The following DNAH2 variants were observed in gnomAD, a reference collection of about 807,000 sequenced individuals.
DNAH2 encodes axonemal beta dynein heavy chain 2.
A neutral mutation model predicts 523.5 loss-of-function variants in DNAH2; 323 were observed. That is an observed-to-expected ratio of 0.62 (90% confidence interval 0.56 to 0.68). DNAH2 has a LOEUF of 0.68. DNAH2 is among the 30% of genes least tolerant of loss of function. The pLI is 0.00. For missense variants in DNAH2, 4,907 were observed against 5,701.5 expected (o/e 0.86, Z 4.49); for synonymous variants, 2,093 against 2,177.4 (o/e 0.96, Z 1.08).
At chr17:7,791,020 A>T (rs1406851658) in intron 44 of DNAH2, among the ~76,000 whole-genome samples, 1 of 151,442 alleles carries the variant, frequency 6.6e-6, no homozygotes, top group Non-Finnish European at 1.5e-5. Context: ...GCCTTTTTAA[A>T]GGTACACCTT....
chr17:7,727,072 A>T (rs990747262), intron 3 of DNAH2, 50 bp from the exon 4 acceptor site: 2 of 1,485,392 alleles, frequency 1.3e-6, no homozygotes, highest in Non-Finnish European at 1.8e-6. Context: ...GGGAGGAATG[A>T]CTCATCCTGG....
At chr17:7,767,844 G>A (rs370770015) in intron 22 of DNAH2, 56 bp from the exon 23 acceptor site, 23 of 1,609,262 alleles carry the variant, frequency 1.4e-5, no homozygotes, top group East Asian at 6.7e-5. Flanking sequence ...CTGGGCGTCC[G>A]TCAGGGAGGA....
Position 7,817,669 on chromosome 17 carries a change from T to G in DNAH2, c.10129T>G (p.Phe3377Val). The G allele has an allele frequency of 3.1e-6, 5 of 1,614,150 alleles. No homozygotes were observed. The highest frequency in any genetic ancestry group is 4.2e-6 in the Non-Finnish European group (5 of 1,180,028). Reference protein sequence around the residue: ...WNIQGLPSDAFSTENGIIVTR... With the variant: ...WNIQGLPSDAVSTENGIIVTR... ...CATCCAAGGGTTGCCCTCAGACGCCTTCTCCACTGAGAATGGCATCATCGT... is the reference window on the plus strand; with the variant it reads ...CATCCAAGGGTTGCCCTCAGACGCCGTCTCCACTGAGAATGGCATCATCGT... Residue 3377 changes from phenylalanine (F) to valine (V), a missense_variant, in exon 66 of 86, where the codon TTC becomes GTC. Coordinates refer to ENST00000572933, the MANE Select transcript of DNAH2 (RefSeq NM_020877.5).
chr17:7,788,930 C>G (rs926310874), intron 44 of DNAH2, among the ~76,000 whole-genome samples: 4 of 152,090 alleles, frequency 2.6e-5, no homozygotes, highest in Non-Finnish European at 5.9e-5. Flanking sequence ...TTTGGGAGGC[C>G]GAGGTGGGTG....
chr17:7,719,127 C>CTT (rs34833123), intron 1 of DNAH2, among the ~76,000 whole-genome samples: 5 of 136,464 alleles, frequency 3.7e-5, no homozygotes, highest in African/African-American at 8.2e-5. Context: ...GTCTGGCCAT[C>CTT]TTTTTTTTTT....
intron 63 of DNAH2, among the ~76,000 whole-genome samples, chr17:7,813,840 G>A (rs1308520793): frequency 6.6e-6 from 1 of 151,672 alleles, no homozygotes; most frequent in African/African-American, 2.4e-5. Flanking sequence ...CCCAGGAGGT[G>A]GAGGTTGCAG....
intron 24 of DNAH2, among the ~76,000 whole-genome samples, chr17:7,769,156 T>G (rs77765900): frequency 2.4e-4 from 36 of 151,292 alleles, no homozygotes; most frequent in African/African-American, 7.3e-4. Flanking sequence ...GTCTTATGTC[T>G]TTTTTTTTCC....
chr17:7,775,193 C>T (rs1567677861), intron 29 of DNAH2, 48 bp from the exon 30 acceptor site: 1 of 1,580,936 alleles, frequency 6.3e-7, no homozygotes, highest in Non-Finnish European at 8.6e-7. Flanking sequence ...TCTAGGCGGA[C>T]ACCAAGGGTG....
Position 7,824,238 on chromosome 17 carries a change from G to T in DNAH2, c.11596G>T (p.Ala3866Ser). The part of the protein sequence containing the change: ...EHMGMAQRFH[A>S]LSLGQGQAPI... Reference sequence around the variant, plus strand: ...CATGGGCATGGCCCAGCGCTTCCACGCCCTGTCCCTGGGCCAGGGCCAGGC... The same window carrying T: ...CATGGGCATGGCCCAGCGCTTCCACTCCCTGTCCCTGGGCCAGGGCCAGGC... The change falls in exon 76 of 86, where the codon GCC (alanine) becomes TCC (serine). Residue 3866 changes from alanine (A) to serine (S), a missense_variant. Ala to Ser is a moderately conservative substitution (Grantham distance 99). Coordinates refer to ENST00000572933, the MANE Select transcript of DNAH2 (RefSeq NM_020877.5). The T allele has an allele frequency of 6.3e-7, 1 of 1,599,624 alleles. No individual in the cohort carries two copies.
In DNAH2 at chr17:7,793,144, G is replaced by A. The variant is rs752427525; in HGVS notation, c.7508G>A (p.Arg2503His). The change falls in exon 48 of 86, where the codon CGC (arginine) becomes CAC (histidine). Residue 2503 changes from arginine to histidine, a missense_variant. Physicochemically the swap from Arg to His is conservative, Grantham distance 29. This residue lies in a region of DNAH2 where 250 missense variants were observed against 371.3 expected (regional missense o/e 0.67). Transcript: ENST00000572933. ...FGSQPPLELI[R>H]LWIDYGFWYD... Reference sequence around the variant, plus strand: ...TCCCAGCCACCCCTGGAGCTGATCCGCCTCTGGATTGACTATGGCTTCTGG... The same window carrying A: ...TCCCAGCCACCCCTGGAGCTGATCCACCTCTGGATTGACTATGGCTTCTGG... The A allele has an allele frequency of 1.1e-5, 17 of 1,614,034 alleles. No homozygotes were observed. Among genetic ancestry groups the A allele is most frequent in the South Asian group, 7.7e-5 (7 of 91,094 alleles).
intron 28 of DNAH2, among the ~76,000 whole-genome samples, chr17:7,772,442 T>C (rs1482500875): frequency 2.6e-5 from 4 of 152,172 alleles, no homozygotes; most frequent in African/African-American, 4.8e-5. Flanking sequence ...AAAAAAACAA[T>C]GATCCCTTTG....
In DNAH2 at chr17:7,830,755, A is replaced by G. The variant is rs1416959841; in HGVS notation, c.12143A>G (p.His4048Arg). 3 of 1,614,148 alleles carry G rather than the reference A, an allele frequency of 1.9e-6. No individual in the cohort carries two copies. Among genetic ancestry groups the G allele is most frequent in the East Asian group, 2.2e-5 (1 of 44,888 alleles). The change falls in exon 79 of 86, where the codon CAT becomes CGT. Residue 4048 changes from histidine to arginine, a missense_variant. By Grantham distance (29) the His-to-Arg change is conservative (BLOSUM62 0). This residue lies in a region of DNAH2 where 1,851 missense variants were observed against 2,139.4 expected (regional missense o/e 0.87). Coordinates refer to ENST00000572933, the MANE Select transcript of DNAH2 (RefSeq NM_020877.5). ...ATTGCCGGCATCAACTATGGTGGAC[A>G]TGTCACAGATGACTGGGACCGGCGC... Reference protein sequence around the residue: ...YLIAGINYGGHVTDDWDRRLL... With the variant: ...YLIAGINYGGRVTDDWDRRLL...
Position 7,780,752 on chromosome 17 carries a change from C to T in DNAH2, c.5973C>T (p.Arg1991=), listed in dbSNP as rs766102856. 11 of 1,614,148 alleles carry T rather than the reference C, an allele frequency of 6.8e-6. No individual in the cohort carries two copies. The highest frequency in any genetic ancestry group is 1.3e-5 in the African/African-American group (1 of 74,952). ...TTCTGCGCTATGCTGGCAAGAAGCGCCGCCTACAGCCGGATCTGACTGATG... is the reference window on the plus strand; with the variant it reads ...TTCTGCGCTATGCTGGCAAGAAGCGTCGCCTACAGCCGGATCTGACTGATG... ...TSLLRYAGKK[R]RLQPDLTDEE... is the part of the protein sequence containing the mutation. The change falls in exon 38 of 86, where the codon CGC becomes CGT. Residue 1991 remains arginine, a synonymous_variant. Transcript: ENST00000572933. The surrounding 1 kb of genome is among the most constrained non-coding windows in gnomAD (Gnocchi z 4.4).
rs2077958218 is a variant in DNAH2 at position 7,824,318 on chromosome 17, C to G, written c.11662+14C>G. ...GTGTGACTCAGGGTTGGTGTCCATC[C>G]TTTCTTCCACCCCCATCTTCAGCCC... On this transcript the variant is annotated intron_variant, in intron 76 of 85. Transcript: ENST00000572933. 3.3e-6 allele frequency: 5 copies of G among 1,506,442 alleles called. No homozygotes were observed. Among genetic ancestry groups the G allele is most frequent in the Non-Finnish European group, 4.4e-6 (5 of 1,130,960 alleles). The allele number at this position is 1,506,442 out of a possible 1,614,324, so 93.3% of individuals were successfully genotyped here. A position where few individuals can be genotyped will look rare whatever the true frequency, so the allele number is the denominator to read the frequency against.
Position 7,760,633 on chromosome 17 carries a change from T to A in DNAH2, c.2786-107T>A. On this transcript the variant is annotated intron_variant, in intron 17 of 85. Coordinates refer to ENST00000572933, the MANE Select transcript of DNAH2 (RefSeq NM_020877.5). The surrounding 1 kb of genome is among the most constrained non-coding windows in gnomAD (Gnocchi z 4.0). ...TGTGCATGTTTGAGCTGTATTTCTC[T>A]GGGAAGCTGGTTTTAGAGTGGAAGG... The A allele has an allele frequency of 9.3e-7, 1 of 1,070,478 alleles. No homozygotes were observed. Among genetic ancestry groups the A allele is most frequent in the Non-Finnish European group, 1.3e-6 (1 of 741,652 alleles). 66.3% of individuals were successfully genotyped at this position (1,070,478 alleles called of 1,614,324 possible).
chr17:7,737,839 G>C (rs1341045441), intron 8 of DNAH2: 2 of 643,016 alleles, frequency 3.1e-6, no homozygotes, highest in African/African-American at 3.6e-5. Context: ...CCAGGGGTGG[G>C]ATGAGTTTCA....
Position 7,813,495 on chromosome 17 carries a change from A to G in DNAH2, c.9730-3076A>G, listed in dbSNP as rs759134779. Among the ~76,000 whole-genome samples, 8 of 152,350 alleles carry G rather than the reference A, an allele frequency of 5.3e-5. No homozygotes were observed. In the South Asian group the frequency reaches 6.2e-4, roughly 12 times the overall value. On this transcript the variant is annotated intron_variant, in intron 63 of 85. Transcript: ENST00000572933. ...TACATAAATCATAGTTCAGTCTCAC[A>G]TAAGAGTATTTTGCAGCTACTAAAA... is the stretch of plus-strand genomic sequence containing the variant.
chr17:7,749,072 G>T (rs1453266283), intron 12 of DNAH2, among the ~76,000 whole-genome samples: 1 of 151,362 alleles, frequency 6.6e-6, no homozygotes, highest in East Asian at 1.9e-4. Context: ...ACTTTGGGAG[G>T]CCGAGGTGGG....
In DNAH2 at chr17:7,803,656, C is replaced by G. The variant is rs1362161481; in HGVS notation, c.8973-600C>G. On this transcript the variant is annotated intron_variant, in intron 58 of 85. Coordinates refer to ENST00000572933, the MANE Select transcript of DNAH2 (RefSeq NM_020877.5). ...TTGCACTCCAGCCTGGGTGACAGATCGAGACTCCGTCTCAAAAAAAAAAAT... is the reference window on the plus strand; with the variant it reads ...TTGCACTCCAGCCTGGGTGACAGATGGAGACTCCGTCTCAAAAAAAAAAAT... Among the ~76,000 whole-genome samples the G allele has an allele frequency of 2.0e-5, 3 of 150,034 alleles. No homozygotes were observed. The South Asian group carries it at 6.3e-4, about 32-fold the overall frequency.
Sources: gnomAD v4.1 joint callset for allele counts (sites outside exome capture counted in the v4.1 genomes callset) on GRCh38, gnomAD v4.1.1 for gene constraint, gnomAD v4.1.1 regional missense constraint, Gnocchi (gnomAD v3.1) non-coding constraint, MANE v1.5 for transcripts, NCBI Gene and HGNC (gene_info 2026-07-23, HGNC 2026-07-21) for gene names.